DYM: variants seen among roughly 807,000 people sequenced by gnomAD.
DYM encodes the protein dyggve-Melchior-Clausen syndrome protein.
Under a neutral mutation model 93.1 loss-of-function variants are expected in DYM, and 78 were observed. The observed-to-expected ratio is 0.84, with a 90% CI of 0.70 to 1.01. The LOEUF is 1.01. Among genes scored for constraint, DYM ranks in the 50% least tolerant of loss-of-function variants. The probability of loss-of-function intolerance (pLI) is 0.00; values close to 1 mark genes in which losing one functional copy is unlikely to be tolerated. For synonymous variants in DYM, 321 were observed against 319.7 expected (o/e 1.00, Z -0.04); for missense variants, 789 against 845.0 (o/e 0.93, Z 0.82).
chr18:49,377,681 CT>C (rs1353008602), intron 5 of DYM, among the ~76,000 whole-genome samples: 1 of 152,162 alleles, frequency 6.6e-6, no homozygotes, highest in Admixed American at 6.5e-5. Context: ...TGAACAGTAA[CT>C]CTTTTATACG....
At chr18:49,099,014 T>C (rs996167048) in intron 16 of DYM, among the ~76,000 whole-genome samples, 6 of 152,224 alleles carry the variant, frequency 3.9e-5, no homozygotes, top group Non-Finnish European at 7.3e-5. Flanking sequence ...GAAATGCCAA[T>C]TTTGTTGGTA....
In DYM at chr18:49,441,276, T is replaced by TTTTATATATATA. The variant is rs2081547947; in HGVS notation, c.-53-10830_-53-10829insTATATATATAAA. Among the ~76,000 whole-genome samples the TTTTATATATATA allele has an allele frequency of 9.2e-5, 4 of 43,296 alleles. 2 individuals carry two copies. The highest frequency in any genetic ancestry group is 1.6e-4 in the Non-Finnish European group (4 of 25,130). The allele number at this position is 43,296 out of a possible 152,430, so 28.4% of individuals were successfully genotyped here. ...GTTATATATAATTATATAATATATATTATATAATTATATATAATATAATTA... is the reference window on the plus strand; with the variant it reads ...GTTATATATAATTATATAATATATATTTTATATATATATATATAATTATATATAATATAATTA... On this transcript the variant is annotated intron_variant, in intron 1 of 17. Transcript: ENST00000675505.
At chr18:49,111,244 A>G (rs776024170) in intron 16 of DYM, among the ~76,000 whole-genome samples, 9 of 152,044 alleles carry the variant, frequency 5.9e-5, no homozygotes, top group Non-Finnish European at 8.8e-5. Flanking sequence ...CGTATTTCAC[A>G]GGCTGTACAA....
At chr18:49,098,893 TA>T (rs2079836815) in intron 16 of DYM, among the ~76,000 whole-genome samples, 2 of 152,336 alleles carry the variant, frequency 1.3e-5, no homozygotes, top group East Asian at 3.9e-4. Context: ...ATCCTATTTT[TA>T]AAATATGCAA....
chr18:49,187,429 T>G (rs1000328924), intron 14 of DYM, among the ~76,000 whole-genome samples: 3 of 152,210 alleles, frequency 2.0e-5, no homozygotes, highest in Non-Finnish European at 4.4e-5. Flanking sequence ...GGCCAAACAC[T>G]ATACATTTAG....
chr18:49,229,872 C>T (rs1278197689), intron 13 of DYM, among the ~76,000 whole-genome samples: 2 of 152,120 alleles, frequency 1.3e-5, no homozygotes, highest in African/African-American at 4.8e-5. Flanking sequence ...TCCAAATGTC[C>T]TTCAATCAGT....
At chr18:49,401,685 C>T (rs1195890293) in intron 2 of DYM, among the ~76,000 whole-genome samples, 1 of 152,054 alleles carries the variant, frequency 6.6e-6, no homozygotes, top group Non-Finnish European at 1.5e-5. Context: ...TAAGAAACTT[C>T]ATTGGGCTAC....
At chr18:49,189,547 A>C (rs2090771428) in intron 14 of DYM, among the ~76,000 whole-genome samples, 1 of 152,224 alleles carries the variant, frequency 6.6e-6, no homozygotes, top group African/African-American at 2.4e-5. Flanking sequence ...CCAAATAACA[A>C]GCATGTGGGC....
At chr18:49,186,948 G>A (rs1036079071) in intron 14 of DYM, among the ~76,000 whole-genome samples, 2 of 141,132 alleles carry the variant, frequency 1.4e-5, no homozygotes, top group African/African-American at 2.7e-5. Flanking sequence ...TTTTGAGATG[G>A]AGTCTCTGTC....
intron 13 of DYM, among the ~76,000 whole-genome samples, chr18:49,216,167 A>C (rs2093032506): frequency 6.6e-6 from 1 of 152,210 alleles, no homozygotes; most frequent in Admixed American, 6.5e-5. Flanking sequence ...GCAGTCTGAG[A>C]TCAAACTGCA....
intron 16 of DYM, among the ~76,000 whole-genome samples, chr18:49,100,856 G>A (rs2080065174): frequency 6.6e-6 from 1 of 152,120 alleles, no homozygotes; most frequent in Non-Finnish European, 1.5e-5. Flanking sequence ...CTCCAGCTCA[G>A]GTATTTCTTC....
chr18:49,157,853 T>C (rs1406323189), intron 15 of DYM, among the ~76,000 whole-genome samples: 1 of 152,168 alleles, frequency 6.6e-6, no homozygotes, highest in East Asian at 1.9e-4. Flanking sequence ...GTCATGAAGG[T>C]TTAATCATAT....
intron 15 of DYM, among the ~76,000 whole-genome samples, chr18:49,119,677 C>T (rs1568452142): frequency 6.6e-6 from 1 of 152,082 alleles, no homozygotes; most frequent in Admixed American, 6.5e-5. Flanking sequence ...TTTAAAAGGA[C>T]AAAGGTTTCT....
At chr18:49,088,135 C>G (rs1217804449) in intron 17 of DYM, among the ~76,000 whole-genome samples, 1 of 152,110 alleles carries the variant, frequency 6.6e-6, no homozygotes, top group Non-Finnish European at 1.5e-5. Context: ...TCCCATTTGT[C>G]AATTTTGGCT....
chr18:49,139,225 C>T (rs2084188997), intron 15 of DYM, among the ~76,000 whole-genome samples: 1 of 152,078 alleles, frequency 6.6e-6, no homozygotes, highest in Non-Finnish European at 1.5e-5. Flanking sequence ...AGACTTAAAA[C>T]AGAAAAAGAG....
At chr18:49,408,794 C>G (rs1031300584) in intron 2 of DYM, among the ~76,000 whole-genome samples, 6 of 152,172 alleles carry the variant, frequency 3.9e-5, no homozygotes, top group African/African-American at 1.4e-4. Context: ...AATTCTTTAG[C>G]TGTCCCAGGC....
intron 14 of DYM, among the ~76,000 whole-genome samples, chr18:49,174,920 G>T (rs1298420650): frequency 1.3e-5 from 2 of 151,996 alleles, no homozygotes; most frequent in African/African-American, 4.8e-5. Flanking sequence ...AAACATGTGA[G>T]GATTAATACA....
intron 13 of DYM, among the ~76,000 whole-genome samples, chr18:49,210,909 G>A (rs1279459754): frequency 6.6e-6 from 1 of 152,172 alleles, no homozygotes; most frequent in Non-Finnish European, 1.5e-5. Context: ...ATATGAGGCT[G>A]TCATTAGTGA....
intron 16 of DYM, among the ~76,000 whole-genome samples, chr18:49,117,652 A>T (rs2082020190): frequency 1.3e-5 from 2 of 152,158 alleles, no homozygotes; most frequent in Admixed American, 1.3e-4. Flanking sequence ...CAGAACTCTA[A>T]AACTCCTCTC....
Sources: gnomAD v4.1 joint callset for allele counts (sites outside exome capture counted in the v4.1 genomes callset) on GRCh38, gnomAD v4.1.1 for gene constraint, MANE v1.5 for transcripts, NCBI Gene and HGNC (gene_info 2026-07-23, HGNC 2026-07-21) for gene names.